Variants in FOXP1 observed in about 807,000 individuals in gnomAD.
FOXP1 encodes forkhead box protein P1.
Under a neutral mutation model 98.2 loss-of-function variants are expected in FOXP1, and 15 were observed. The observed-to-expected ratio is 0.15, with a 90% confidence interval of 0.10 to 0.24. The LOEUF is 0.24. Ranked by LOEUF, FOXP1 falls within the 10% of genes least tolerant of loss-of-function variation. FOXP1 has a pLI of 1.00. For synonymous variants in FOXP1, 371 were observed against 314.5 expected, an observed-to-expected ratio of 1.18 and a Z score of -1.90; for missense variants, 633 against 848.5, an observed-to-expected ratio of 0.75 and a Z score of 3.15.
intron 11 of FOXP1, among the ~76,000 whole-genome samples, chr3:71,015,979 T>C (rs2044412778): frequency 6.6e-6 from 1 of 152,200 alleles, no homozygotes; most frequent in African/African-American, 2.4e-5. Flanking sequence ...TTAATCTACA[T>C]AATGAAAATT....
chr3:71,255,519 A>C (rs1402642952), intron 5 of FOXP1, among the ~76,000 whole-genome samples: 2 of 152,192 alleles, frequency 1.3e-5, no homozygotes, highest in Non-Finnish European at 2.9e-5. Context: ...TTTTAGGCTA[A>C]TAAATTTCTT....
At chr3:70,959,844 C>T (rs925970278) in intron 20 of FOXP1, among the ~76,000 whole-genome samples, 5 of 152,186 alleles carry the variant, frequency 3.3e-5, no homozygotes, top group African/African-American at 9.6e-5. Flanking sequence ...TGAGACTCTG[C>T]ATCTCTAACA....
intron 7 of FOXP1, among the ~76,000 whole-genome samples, chr3:71,102,526 T>G (rs2107674440): frequency 6.6e-6 from 1 of 152,318 alleles, no homozygotes; most frequent in East Asian, 1.9e-4. Flanking sequence ...TCCAAACTGC[T>G]TCTCAATTTC....
chr3:71,020,002 T>C (rs934399815), intron 11 of FOXP1, among the ~76,000 whole-genome samples: 4 of 152,196 alleles, frequency 2.6e-5, no homozygotes, highest in African/African-American at 9.7e-5. Flanking sequence ...AAATGTCTTG[T>C]AGGTAAAGAC....
At chr3:70,972,187 T>C (rs754691515) in intron 18 of FOXP1, 3 of 1,518,848 alleles carry the variant, frequency 2.0e-6, no homozygotes, top group African/African-American at 1.4e-5. Context: ...CACCCTGGGA[T>C]AGGAGCAGCA....
intron 5 of FOXP1, among the ~76,000 whole-genome samples, chr3:71,202,745 A>C (rs2063753481): frequency 6.6e-6 from 1 of 152,210 alleles, no homozygotes; most frequent in African/African-American, 2.4e-5. Context: ...AAATTCCAGA[A>C]AAGACAACAA....
chr3:71,492,567 A>G (rs2091140042), intron 3 of FOXP1, among the ~76,000 whole-genome samples: 1 of 152,116 alleles, frequency 6.6e-6, no homozygotes, highest in Non-Finnish European at 1.5e-5. Context: ...ACTTCTCTCC[A>G]TTATTTAGAA....
intron 5 of FOXP1, among the ~76,000 whole-genome samples, chr3:71,207,723 C>T (rs1459504514): frequency 2.2e-5 from 2 of 90,756 alleles, no homozygotes; most frequent in East Asian, 6.6e-4. Context: ...TCAGAAACAG[C>T]AACAAACAAT....
intron 7 of FOXP1, among the ~76,000 whole-genome samples, chr3:71,072,890 A>G (rs561314120): frequency 6.6e-6 from 1 of 152,356 alleles, no homozygotes; most frequent in East Asian, 1.9e-4. Context: ...TGCAAGGGAC[A>G]TTTGGAAGAA....
At chr3:71,492,145 G>A (rs2091103589) in intron 3 of FOXP1, among the ~76,000 whole-genome samples, 1 of 152,006 alleles carries the variant, frequency 6.6e-6, no homozygotes, top group Non-Finnish European at 1.5e-5. Context: ...TAACCTACAT[G>A]CTTTGTTTTA....
chr3:71,001,170 T>C, intron 12 of FOXP1, 111 bp from the exon 13 acceptor site: 5 of 778,158 alleles, frequency 6.4e-6, no homozygotes, highest in East Asian at 5.3e-5. Context: ...TCCCAGGAGA[T>C]AGTAGTCCAG....
chr3:71,543,073 T>C (rs1449274072), intron 2 of FOXP1, among the ~76,000 whole-genome samples: 1 of 152,164 alleles, frequency 6.6e-6, no homozygotes, highest in Non-Finnish European at 1.5e-5. Context: ...GCAACAGGCA[T>C]TCCCCCTCAA....
At chr3:71,430,870 A>G (rs1000449491) in intron 3 of FOXP1, among the ~76,000 whole-genome samples, 1 of 152,192 alleles carries the variant, frequency 6.6e-6, no homozygotes, top group Non-Finnish European at 1.5e-5. Flanking sequence ...GAATGGCCAC[A>G]GGGGAAGGCC....
intron 5 of FOXP1, among the ~76,000 whole-genome samples, chr3:71,229,491 G>A (rs913674499): frequency 1.3e-5 from 2 of 152,140 alleles, no homozygotes; most frequent in African/African-American, 4.8e-5. Context: ...TTCACCTAGT[G>A]CTTGAAGCGT....
rs1468552835 is a variant in FOXP1, at chr3:71,268,071, CT to C, written c.-12+31748del. ...AATGATTTTAAAATTATTTCAGCTT[CT>C]TTTTTTTCTTTTCTTTTCTTTTTTT... On this transcript the variant is annotated intron_variant, in intron 5 of 20. Transcript: ENST00000649528. Among the ~76,000 whole-genome samples, 247 of 136,318 alleles carry C rather than the reference CT, an allele frequency of 1.8e-3. No homozygotes were observed. The Middle Eastern group carries it at 0.02, about 11-fold the overall frequency. 89.4% of individuals were successfully genotyped at this position (136,318 alleles called of 152,430 possible). A position where few individuals can be genotyped will look rare whatever the true frequency, so the allele number is the denominator to read the frequency against.
At chr3:71,404,576 A>G (rs925616009) in intron 3 of FOXP1, among the ~76,000 whole-genome samples, 8 of 69,280 alleles carry the variant, frequency 1.2e-4, no homozygotes, top group Non-Finnish European at 3.7e-4. Flanking sequence ...CATTAAGAAG[A>G]AAAAAAAAAA....
In FOXP1 at chr3:70,962,806, C is replaced by T. The variant is rs544221985; in HGVS notation, c.1889+3084G>A. 3.1e-3 allele frequency among the ~76,000 whole-genome samples: 479 copies of T among 152,178 alleles called. 4 individuals are homozygous for T. Among genetic ancestry groups the T allele is most frequent in the African/African-American group, 0.011 (455 of 41,498 alleles). ...GGAGGGGGAAGGAGGATGAGGACCC[C>T]TAGAAGAAATAGAACCATCCATCTC... On this transcript the variant is annotated intron_variant, in intron 20 of 20. Transcript: ENST00000649528.
chr3:71,337,875 A>G (rs2568830), intron 4 of FOXP1, among the ~76,000 whole-genome samples: 140,660 of 152,276 alleles, frequency 0.92, 66,002 homozygotes, highest in East Asian at 1. Context: ...GAGCAGCAGC[A>G]TCCATGCCAG....
At chr3:71,569,430 T>G (rs555658616) in intron 2 of FOXP1, among the ~76,000 whole-genome samples, 8 of 152,320 alleles carry the variant, frequency 5.3e-5, no homozygotes, top group African/African-American at 1.9e-4. Flanking sequence ...TTGGTCCTTA[T>G]AGTGCTGCCC....
Sources: gnomAD v4.1 joint callset for allele counts (sites outside exome capture counted in the v4.1 genomes callset) on GRCh38, gnomAD v4.1.1 for gene constraint, MANE v1.5 for transcripts, NCBI Gene and HGNC (gene_info 2026-07-23, HGNC 2026-07-21) for gene names.